NCALD: variants seen among roughly 807,000 people sequenced by gnomAD.
NCALD encodes neurocalcin delta.
A neutral mutation model predicts 18.6 loss-of-function variants in NCALD; 10 were observed. That is an observed-to-expected ratio of 0.54 (90% CI 0.33 to 0.91). The LOEUF (loss-of-function observed/expected upper bound fraction) is 0.91, where lower values mean the gene tolerates loss of function less well. Among genes scored for constraint, NCALD ranks in the 40% least tolerant of loss-of-function variants. The probability of loss-of-function intolerance (pLI) is 0.03; values close to 1 mark genes in which losing one functional copy is unlikely to be tolerated. For missense variants in NCALD, 184 were observed against 247.6 expected (o/e 0.74, Z 1.72); for synonymous variants, 88 against 87.4 (o/e 1.01, Z -0.04).
chr8:101,838,282 C>T (rs1319172405), intron 4 of NCALD, among the ~76,000 whole-genome samples: 2 of 152,004 alleles, frequency 1.3e-5, no homozygotes, highest in East Asian at 1.9e-4. Flanking sequence ...AGTGCAGTGG[C>T]ACGAACTCAG....
At chr8:101,721,780 G>C (rs1816368143) in intron 1 of NCALD, among the ~76,000 whole-genome samples, 1 of 152,002 alleles carries the variant, frequency 6.6e-6, no homozygotes, top group Non-Finnish European at 1.5e-5. Context: ...CAAAGTGATG[G>C]GAGTATGGGG....
chr8:102,012,941 T>C (rs897780973), intron 2 of NCALD, among the ~76,000 whole-genome samples: 2 of 152,160 alleles, frequency 1.3e-5, no homozygotes, highest in South Asian at 2.1e-4. Context: ...TGTCACAATA[T>C]GTAATAATAT....
intron 1 of NCALD, among the ~76,000 whole-genome samples, chr8:102,113,766 A>G (rs1825703081): frequency 6.6e-6 from 1 of 152,186 alleles, no homozygotes; most frequent in African/African-American, 2.4e-5. Context: ...TAGCCAAGAA[A>G]CATTTCTTGG....
intron 4 of NCALD, among the ~76,000 whole-genome samples, chr8:101,862,550 T>A (rs1391687931): frequency 6.6e-6 from 1 of 152,220 alleles, no homozygotes; most frequent in African/African-American, 2.4e-5. Flanking sequence ...AAGCAAATAG[T>A]AGCTAGTGAT....
chr8:101,906,239 T>A (rs1013542812), intron 3 of NCALD, among the ~76,000 whole-genome samples: 11 of 152,226 alleles, frequency 7.2e-5, no homozygotes, highest in African/African-American at 2.4e-4. Context: ...TTCTTACAGA[T>A]GATTCTTTGT....
chr8:101,766,135 C>T (rs929010805), intron 1 of NCALD, among the ~76,000 whole-genome samples: 6 of 152,162 alleles, frequency 3.9e-5, no homozygotes, highest in African/African-American at 1.4e-4. Flanking sequence ...AAATAGCTCA[C>T]ATTTAGTGTA....
At chr8:102,052,627 G>C (rs1388699841) in intron 1 of NCALD, among the ~76,000 whole-genome samples, 2 of 152,146 alleles carry the variant, frequency 1.3e-5, no homozygotes, top group African/African-American at 4.8e-5. Context: ...TTCCAAAATG[G>C]ACAAAGCTGA....
chr8:102,100,228 T>C (rs1825232818), intron 1 of NCALD, among the ~76,000 whole-genome samples: 1 of 152,172 alleles, frequency 6.6e-6, no homozygotes. Flanking sequence ...ACAAGTTTTG[T>C]TCAGATCAAA....
intron 4 of NCALD, among the ~76,000 whole-genome samples, chr8:101,854,085 T>C (rs1213992737): frequency 6.6e-6 from 1 of 152,210 alleles, no homozygotes; most frequent in African/African-American, 2.4e-5. Context: ...AGGAGGAATG[T>C]AAAGTATGTT....
intron 1 of NCALD, among the ~76,000 whole-genome samples, chr8:102,116,944 T>G (rs1825807675): frequency 6.6e-6 from 1 of 152,188 alleles, no homozygotes; most frequent in Non-Finnish European, 1.5e-5. Context: ...GACAAATGTC[T>G]TTATAAAAGA....
At chr8:101,805,452 T>A (rs1813064564) in intron 4 of NCALD, among the ~76,000 whole-genome samples, 1 of 152,196 alleles carries the variant, frequency 6.6e-6, no homozygotes, top group Non-Finnish European at 1.5e-5. Flanking sequence ...GACTCTACTC[T>A]AAGCACAGCA....
chr8:101,687,359 G>C lies in NCALD; in HGVS notation c.*1950C>G. The C allele has an allele frequency of 6.5e-6, 1 of 152,782 alleles. No homozygotes were observed. 9.5% of individuals were successfully genotyped at this position (152,782 alleles called of 1,614,324 possible). A position where few individuals can be genotyped will look rare whatever the true frequency, so the allele number is the denominator to read the frequency against. On this transcript the variant is annotated 3_prime_UTR_variant, in exon 4 of 4. Coordinates refer to ENST00000220931, the MANE Select transcript of NCALD (RefSeq NM_032041.3). ...TGCCTTCTGTGTCTTAGGTTAATTC[G>C]CTATTTTCCAAACACAGATTTTAAC...
At chr8:102,027,888 A>C (rs1822518428) in intron 1 of NCALD, among the ~76,000 whole-genome samples, 1 of 152,182 alleles carries the variant, frequency 6.6e-6, no homozygotes. Context: ...CCCCTGATAA[A>C]TTCATCAGAT....
intron 1 of NCALD, among the ~76,000 whole-genome samples, chr8:102,045,750 GC>G (rs1372844141): frequency 6.6e-6 from 1 of 152,038 alleles, no homozygotes; most frequent in Admixed American, 6.6e-5. Context: ...CTTAATACAT[GC>G]AATGTATTTT....
At chr8:101,786,704 G>A (rs1812242126) in intron 1 of NCALD, among the ~76,000 whole-genome samples, 1 of 152,168 alleles carries the variant, frequency 6.6e-6, no homozygotes, top group Non-Finnish European at 1.5e-5. Flanking sequence ...GCAATGTGCA[G>A]CCTTTGGTCT....
intron 3 of NCALD, among the ~76,000 whole-genome samples, chr8:101,889,629 A>C (rs1463648436): frequency 6.6e-6 from 1 of 152,360 alleles, no homozygotes; most frequent in Non-Finnish European, 1.5e-5. Flanking sequence ...GTAGCACTCA[A>C]ACATTTGCAA....
At chr8:101,919,878 A>G (rs2131642521) in intron 2 of NCALD, among the ~76,000 whole-genome samples, 1 of 152,314 alleles carries the variant, frequency 6.6e-6, no homozygotes, top group Middle Eastern at 3.4e-3. Flanking sequence ...GAAGTCAAAA[A>G]ACAAAAGATG....
chr8:101,694,878 C>A (rs915477146), intron 2 of NCALD, among the ~76,000 whole-genome samples: 1 of 152,104 alleles, frequency 6.6e-6, no homozygotes, highest in African/African-American at 2.4e-5. Context: ...AGAAGAGAGG[C>A]CCTGAGATTT....
chr8:101,890,719 C>CAA (rs1816840973), intron 3 of NCALD, among the ~76,000 whole-genome samples: 1 of 152,164 alleles, frequency 6.6e-6, no homozygotes, highest in Non-Finnish European at 1.5e-5. Flanking sequence ...CTTGGACTTC[C>CAA]CAGCCTCCAA....
Sources: gnomAD v4.1 joint callset for allele counts (sites outside exome capture counted in the v4.1 genomes callset) on GRCh38, gnomAD v4.1.1 for gene constraint, MANE v1.5 for transcripts, NCBI Gene and HGNC (gene_info 2026-07-23, HGNC 2026-07-21) for gene names.